The following TOPBP1 variants were observed in gnomAD, a reference collection of about 807,000 sequenced individuals.
TOPBP1 encodes DNA topoisomerase 2-binding protein 1.
In TOPBP1, 28 loss-of-function variants were observed where a neutral mutation model predicts 167.7. That is an observed-to-expected ratio of 0.17 (90% confidence interval 0.12 to 0.23). The LOEUF is 0.23. Among genes scored for constraint, TOPBP1 ranks in the 10% least tolerant of loss-of-function variants. The pLI is 1.00. For synonymous variants in TOPBP1, 598 were observed against 611.4 expected, an observed-to-expected ratio of 0.98 and a Z score of 0.32; for missense variants, 1,554 against 1,809.6, an observed-to-expected ratio of 0.86 and a Z score of 2.56.
rs746676815 is a variant in TOPBP1 at position 133,628,703 on chromosome 3, G to A, written c.2551C>T (p.Arg851Cys). The A allele has an allele frequency of 1.2e-5, 19 of 1,554,074 alleles. No homozygotes were observed. The highest frequency in any genetic ancestry group is 2.0e-5 in the Admixed American group (1 of 51,100). The change falls in exon 15 of 28, where the codon CGT becomes TGT. Residue 851 changes from arginine to cysteine, a missense_variant. Physicochemically the swap from Arg to Cys is radical, Grantham distance 180. This residue lies in a region of TOPBP1 where 1,197 missense variants were observed against 1,351.5 expected (regional missense o/e 0.89). Coordinates refer to ENST00000260810, the MANE Select transcript of TOPBP1 (RefSeq NM_007027.4). ...GGTTTCCTTTTCTGTTGGCTGGGAC[G>A]TCCTGGAGTTTCCAAGGCTGCAAGT... ...DALAALETPG[R>C]PSQQKRKPST...
intron 27 of TOPBP1, among the ~76,000 whole-genome samples, chr3:133,602,021 C>T (rs569266513): frequency 1.4e-4 from 22 of 152,184 alleles, no homozygotes; most frequent in African/African-American, 3.4e-4. Context: ...GGGCTGGGGA[C>T]GCAAACACAG....
In TOPBP1 at chr3:133,657,940, A is replaced by T. The variant is rs754300968; in HGVS notation, c.221T>A (p.Leu74His). ...TTGAGGACCAACAATTCTGCAGCCA[A>T]GCTACAAAAAAGAGAAAAGTTTAAA... is the stretch of plus-strand genomic sequence containing the variant. The part of the protein sequence containing the change: ...SGVVFDHLKK[L>H]GCRIVGPQVV... The change falls in exon 4 of 28, where the codon CTT becomes CAT. Residue 74 changes from leucine (L) to histidine (H), a missense_variant and splice_region_variant. Leu to His is a moderately conservative substitution (Grantham distance 99). Around this residue, in one of 3 missense-constraint regions of TOPBP1, gnomAD observed 1,197 missense variants for 1,351.5 expected, o/e 0.89. Coordinates refer to ENST00000260810, the MANE Select transcript of TOPBP1 (RefSeq NM_007027.4). 5 of 1,547,732 alleles carry T rather than the reference A, an allele frequency of 3.2e-6. No individual in the cohort carries two copies. In the East Asian group the frequency reaches 1.2e-4, roughly 37 times the overall value.
At chr3:133,617,054 T>C (rs1197878496) in intron 22 of TOPBP1, 106 bp downstream of exon 22, 26 of 1,415,136 alleles carry the variant, frequency 1.8e-5, no homozygotes, top group Non-Finnish European at 2.4e-5. Context: ...ATGCAAAAAA[T>C]AGTTTTCAAC....
intron 2 of TOPBP1, 39 bp downstream of exon 2, chr3:133,661,004 GA>G: frequency 6.9e-7 from 1 of 1,447,692 alleles, no homozygotes; most frequent in East Asian, 2.4e-5. Flanking sequence ...TTAAAAACAA[GA>G]AAATGAATTC....
intron 10 of TOPBP1, among the ~76,000 whole-genome samples, chr3:133,646,724 T>C (rs911722941): frequency 1.3e-5 from 2 of 151,966 alleles, no homozygotes; most frequent in African/African-American, 4.8e-5. Context: ...CCTGATGTGA[T>C]ACAATACTAA....
rs1559814588 is a variant in TOPBP1 at position 133,623,370 on chromosome 3, C to T, written c.3016G>A (p.Asp1006Asn). 1 of 1,613,522 alleles carries T rather than the reference C, an allele frequency of 6.2e-7. No homozygotes were observed. Among genetic ancestry groups the T allele is most frequent in the Non-Finnish European group, 8.5e-7 (1 of 1,179,710 alleles). Reference sequence around the variant, plus strand: ...AGTCGACTATTACAGAGCCGGCCATCTTGCACTGCGCTGATATCCAAGCTC... The same window carrying T: ...AGTCGACTATTACAGAGCCGGCCATTTTGCACTGCGCTGATATCCAAGCTC... Reference protein sequence around the residue: ...KMSLDISAVQDGRLCNSRLLS... With the variant: ...KMSLDISAVQNGRLCNSRLLS... Residue 1006 changes from aspartate (D) to asparagine (N), a missense_variant, in exon 18 of 28, where the codon GAT becomes AAT. By Grantham distance (23) the Asp-to-Asn change is conservative (BLOSUM62 1). Coordinates refer to ENST00000260810, the MANE Select transcript of TOPBP1 (RefSeq NM_007027.4).
chr3:133,653,282 C>G, intron 7 of TOPBP1, 63 bp downstream of exon 7: 2 of 1,405,772 alleles, frequency 1.4e-6, no homozygotes, highest in South Asian at 3.2e-5. Flanking sequence ...TATTAACATA[C>G]TGATTATTAC....
rs375662756 is a variant in TOPBP1 at position 133,605,808 on chromosome 3, T to C, written c.4425+2727A>G. Among the ~76,000 whole-genome samples, 4 of 152,148 alleles carry C rather than the reference T, an allele frequency of 2.6e-5. No homozygotes were observed. In the East Asian group the frequency reaches 7.7e-4, roughly 29 times the overall value. On this transcript the variant is annotated intron_variant, in intron 27 of 27. Transcript: ENST00000260810. ...AATAAAAGGCATAAAGAAGGGAAAA[T>C]CTACAAATCTCTTTGCAGATAAAAT...
intron 8 of TOPBP1, among the ~76,000 whole-genome samples, chr3:133,651,471 T>G (rs904413841): frequency 6.6e-6 from 1 of 152,176 alleles, no homozygotes; most frequent in Non-Finnish European, 1.5e-5. Flanking sequence ...ATTACAGGCA[T>G]GAGCCACCAA....
chr3:133,612,620 A>C (rs560063882), intron 23 of TOPBP1, 68 bp from the exon 24 acceptor site: 9 of 1,385,182 alleles, frequency 6.5e-6, no homozygotes, highest in Admixed American at 5.4e-5. Context: ...ATGTAATCTC[A>C]ACTACGCATA....
At chr3:133,650,335 T>C (rs1428663032) in intron 8 of TOPBP1, among the ~76,000 whole-genome samples, 1 of 125,142 alleles carries the variant, frequency 8.0e-6, no homozygotes, top group Non-Finnish European at 1.6e-5. Context: ...GTCTGAATTC[T>C]GAACACCTGG....
At chr3:133,604,645 G>C (rs1934431421) in intron 27 of TOPBP1, among the ~76,000 whole-genome samples, 1 of 151,826 alleles carries the variant, frequency 6.6e-6, no homozygotes, top group South Asian at 2.1e-4. Context: ...TCCAGGCCGG[G>C]TGCAGTGGCT....
At position 133,638,067 on chromosome 3, in the gene TOPBP1, C is replaced by A; in HGVS notation, c.2329G>T (p.Val777Phe). 1 of 1,613,936 alleles carries A rather than the reference C, an allele frequency of 6.2e-7. No individual in the cohort carries two copies. The highest frequency in any genetic ancestry group is 1.1e-5 in the South Asian group (1 of 91,082). The change falls in exon 14 of 28, where the codon GTC becomes TTC. Residue 777 changes from valine to phenylalanine, a missense_variant. Physicochemically the swap from Val to Phe is conservative, Grantham distance 50 (BLOSUM62 -1). Around this residue, in one of 3 missense-constraint regions of TOPBP1, gnomAD observed 1,197 missense variants for 1,351.5 expected, o/e 0.89. Transcript: ENST00000260810. ...CGGTTCATATCTAAAGGTGTAACGA[C>A]GGTTTTTCTGTGAGTTTGCAGGCGT... The part of the protein sequence containing the change: ...GTRLQTHRKT[V>F]VTPLDMNRFQ...
chr3:133,635,309 A>T (rs957357600), intron 14 of TOPBP1, among the ~76,000 whole-genome samples: 2 of 152,152 alleles, frequency 1.3e-5, no homozygotes, highest in Non-Finnish European at 2.9e-5. Context: ...GCTGGAGTGC[A>T]GTGGTAGGAT....
chr3:133,615,288 G>A (rs1934828020), intron 23 of TOPBP1, among the ~76,000 whole-genome samples: 1 of 151,962 alleles, frequency 6.6e-6, no homozygotes, highest in Non-Finnish European at 1.5e-5. Context: ...TGGCCAACAT[G>A]GTGAAACCCT....
chr3:133,644,358 C>T lies in TOPBP1; in HGVS notation c.1510G>A (p.Ala504Thr), dbSNP rs1483620984. The T allele has an allele frequency of 2.6e-6, 4 of 1,559,138 alleles. No homozygotes were observed. The African/African-American group carries it at 5.5e-5, about 22-fold the overall frequency. ...YENGSSTVVE[A>T]KTSEARPFND... ...AAGGGCCTGGCTTCAGACGTCTTAG[C>T]CTCAACTGAAAGAGAAAAGTAAATG... The change falls in exon 11 of 28, where the codon GCT becomes ACT. Residue 504 changes from alanine to threonine, a missense_variant. Physicochemically the swap from Ala to Thr is moderately conservative, Grantham distance 58. This residue lies in a region of TOPBP1 where 1,197 missense variants were observed against 1,351.5 expected (regional missense o/e 0.89). Transcript: ENST00000260810.
intron 19 of TOPBP1, among the ~76,000 whole-genome samples, chr3:133,622,189 T>TG (rs1203344793): frequency 6.8e-6 from 1 of 147,006 alleles, no homozygotes; most frequent in African/African-American, 2.5e-5. Context: ...ATTTATGTTT[T>TG]TTTTTTTTTT....
rs1935147541 is a variant in TOPBP1 at position 133,623,080 on chromosome 3, A to T, written c.3178+11T>A. 1 of 1,492,906 alleles carries T rather than the reference A, an allele frequency of 6.7e-7. No homozygotes were observed. The highest frequency in any genetic ancestry group is 2.4e-5 in the East Asian group (1 of 42,264). The allele number at this position is 1,492,906 out of a possible 1,614,324, so 92.5% of individuals were successfully genotyped here. A position where few individuals can be genotyped will look rare whatever the true frequency, so the allele number is the denominator to read the frequency against. On this transcript the variant is annotated intron_variant, in intron 19 of 27. Transcript: ENST00000260810. Reference sequence around the variant, plus strand: ...AAAAAATTTTTTTAATTAAAAAATAAAATATTTTACCTCCTTTAGAGTCAT... The same window carrying T: ...AAAAAATTTTTTTAATTAAAAAATATAATATTTTACCTCCTTTAGAGTCAT...
intron 8 of TOPBP1, among the ~76,000 whole-genome samples, chr3:133,651,272 C>T (rs1031438904): frequency 3.3e-5 from 5 of 149,858 alleles, no homozygotes; most frequent in South Asian, 2.1e-4. Context: ...CTGTAACCTC[C>T]GCCTCCTGGG....
Sources: gnomAD v4.1 joint callset for allele counts (sites outside exome capture counted in the v4.1 genomes callset) on GRCh38, gnomAD v4.1.1 for gene constraint, gnomAD v4.1.1 regional missense constraint, MANE v1.5 for transcripts, NCBI Gene and HGNC (gene_info 2026-07-23, HGNC 2026-07-21) for gene names.